The following ROBO2 variants were observed in gnomAD, a reference collection of about 807,000 sequenced individuals.
ROBO2 encodes roundabout guidance receptor 2.
ROBO2 carries 53 observed loss-of-function variants against 160.8 expected under a neutral mutation model. That is an observed-to-expected ratio of 0.33 (90% CI 0.26 to 0.41). ROBO2 has a LOEUF of 0.41. ROBO2 is among the 10% of genes least tolerant of loss of function. ROBO2 has a pLI of 1.00. For missense variants in ROBO2, 1,577 were observed against 1,722.4 expected (o/e 0.92, Z 1.49); for synonymous variants, 664 against 611.7 (o/e 1.09, Z -1.26).
intron 2 of ROBO2, among the ~76,000 whole-genome samples, chr3:76,543,030 T>A (rs1028498615): frequency 6.6e-6 from 1 of 152,212 alleles, no homozygotes; most frequent in African/African-American, 2.4e-5. Flanking sequence ...ACAATGATGT[T>A]TCTCAGGACT....
intron 2 of ROBO2, among the ~76,000 whole-genome samples, chr3:77,384,718 A>G (rs2073919637): frequency 6.6e-6 from 1 of 152,220 alleles, no homozygotes; most frequent in Admixed American, 6.5e-5. Context: ...TAAAACTCAT[A>G]TGACATTTTG....
At chr3:76,108,734 G>A (rs1241578151) in intron 2 of ROBO2, among the ~76,000 whole-genome samples, 2 of 151,156 alleles carry the variant, frequency 1.3e-5, no homozygotes, top group Non-Finnish European at 3.0e-5. Flanking sequence ...AAATTACTAT[G>A]TATTACCAAA....
chr3:76,100,803 C>T (rs951779494), intron 2 of ROBO2, among the ~76,000 whole-genome samples: 2 of 151,996 alleles, frequency 1.3e-5, no homozygotes, highest in South Asian at 2.1e-4. Context: ...TAAGGAACAC[C>T]GTACTTTCTG....
chr3:76,009,401 C>T (rs1347623030), intron 2 of ROBO2, among the ~76,000 whole-genome samples: 1 of 152,164 alleles, frequency 6.6e-6, no homozygotes, highest in Non-Finnish European at 1.5e-5. Flanking sequence ...CCGCGCCTGG[C>T]TGAAGATCCG....
intron 2 of ROBO2, among the ~76,000 whole-genome samples, chr3:76,979,424 G>C (rs900517958): frequency 2.6e-5 from 4 of 151,970 alleles, no homozygotes; most frequent in African/African-American, 9.7e-5. Context: ...ATGACCATGT[G>C]TACACTCATT....
intron 2 of ROBO2, among the ~76,000 whole-genome samples, chr3:76,360,024 A>G (rs1576652961): frequency 6.6e-6 from 1 of 152,052 alleles, no homozygotes; most frequent in African/African-American, 2.4e-5. Flanking sequence ...TGAGAAGTTT[A>G]CCATAATTAA....
intron 5 of ROBO2, among the ~76,000 whole-genome samples, chr3:77,519,314 T>G (rs954564177): frequency 2.0e-5 from 3 of 151,394 alleles, no homozygotes; most frequent in Non-Finnish European, 3.0e-5. Context: ...TCAAATATTA[T>G]GTATTTAGTA....
chr3:76,703,526 C>G (rs1318801889), intron 2 of ROBO2, among the ~76,000 whole-genome samples: 1 of 152,008 alleles, frequency 6.6e-6, no homozygotes, highest in African/African-American at 2.4e-5. Flanking sequence ...TCCCCCACCC[C>G]CGACAGGCTC....
chr3:76,397,398 C>A (rs1010571821), intron 2 of ROBO2, among the ~76,000 whole-genome samples: 3 of 152,128 alleles, frequency 2.0e-5, no homozygotes, highest in African/African-American at 7.2e-5. Context: ...CATTACCATT[C>A]AGGACATAGG....
At chr3:76,458,593 AC>A (rs2077910112) in intron 2 of ROBO2, among the ~76,000 whole-genome samples, 1 of 152,034 alleles carries the variant, frequency 6.6e-6, no homozygotes, top group South Asian at 2.1e-4. Flanking sequence ...TTTCAGCAAG[AC>A]CCCACTCTAC....
At chr3:76,043,079 C>A (rs1242930099) in intron 2 of ROBO2, among the ~76,000 whole-genome samples, 1 of 151,922 alleles carries the variant, frequency 6.6e-6, no homozygotes, top group Non-Finnish European at 1.5e-5. Context: ...AGGGAATATC[C>A]AAATATCTTC....
chr3:77,404,500 A>G (rs1232653359), intron 2 of ROBO2, among the ~76,000 whole-genome samples: 1 of 152,218 alleles, frequency 6.6e-6, no homozygotes, highest in Non-Finnish European at 1.5e-5. Flanking sequence ...GGCAAGGCAT[A>G]AACATGGAAT....
chr3:76,513,419 C>T (rs1444534974), intron 2 of ROBO2, among the ~76,000 whole-genome samples: 2 of 152,080 alleles, frequency 1.3e-5, no homozygotes, highest in East Asian at 3.9e-4. Flanking sequence ...GTGGTGTGAT[C>T]TCAGCTCACT....
At chr3:75,974,051 A>G (rs1040459603) in intron 2 of ROBO2, among the ~76,000 whole-genome samples, 103 of 151,638 alleles carry the variant, frequency 6.8e-4, no homozygotes, top group Non-Finnish European at 2.8e-4. Context: ...AAAGTGAAGG[A>G]AAACAGCAAT....
intron 2 of ROBO2, among the ~76,000 whole-genome samples, chr3:76,137,698 ATCTT>A (rs2071482529): frequency 6.6e-6 from 1 of 151,806 alleles, no homozygotes; most frequent in African/African-American, 2.4e-5. Flanking sequence ...ATAGGACAGA[ATCTT>A]TATTATTCTT....
chr3:76,340,939 TA>T (rs2074185505), intron 2 of ROBO2, among the ~76,000 whole-genome samples: 1 of 152,076 alleles, frequency 6.6e-6, no homozygotes, highest in South Asian at 2.1e-4. Flanking sequence ...GAACTGACAG[TA>T]AAATAAAGGC....
intron 2 of ROBO2, among the ~76,000 whole-genome samples, chr3:77,416,150 G>T (rs749617225): frequency 1.1e-4 from 17 of 152,200 alleles, no homozygotes; most frequent in Non-Finnish European, 2.2e-4. Flanking sequence ...GGGAGCCCAA[G>T]TTGGTGGCCC....
At chr3:77,098,381 A>G in intron 2 of ROBO2, 41 bp downstream of exon 2, 1 of 1,596,036 alleles carries the variant, frequency 6.3e-7, no homozygotes, top group East Asian at 2.2e-5. Context: ...ATTTACTTTT[A>G]TTTATTTCAA....
intron 2 of ROBO2, among the ~76,000 whole-genome samples, chr3:75,941,450 T>C (rs1948049477): frequency 6.6e-6 from 1 of 152,130 alleles, no homozygotes; most frequent in African/African-American, 2.4e-5. Context: ...TAACTTAGGG[T>C]TTAAATGTAG....
Sources: gnomAD v4.1 joint callset for allele counts (sites outside exome capture counted in the v4.1 genomes callset) on GRCh38, gnomAD v4.1.1 for gene constraint, MANE v1.5 for transcripts, NCBI Gene and HGNC (gene_info 2026-07-23, HGNC 2026-07-21) for gene names.